The following ARSG variants were observed in gnomAD, a reference collection of about 807,000 sequenced individuals.
The protein encoded by ARSG is arylsulfatase G.
Under a neutral mutation model 50.5 loss-of-function variants are expected in ARSG, and 37 were observed. The observed-to-expected ratio is 0.73, with a 90% confidence interval of 0.56 to 0.96. The LOEUF is 0.96. ARSG is among the 50% of genes least tolerant of loss of function. The pLI, the probability that ARSG is intolerant of heterozygous loss-of-function variation, is 0.00. For synonymous variants in ARSG, 225 were observed against 254.6 expected (o/e 0.88, Z 1.11); for missense variants, 629 against 675.3 (o/e 0.93, Z 0.76).
intron 8 of ARSG, among the ~76,000 whole-genome samples, chr17:68,383,232 C>A (rs1046093169): frequency 7.2e-5 from 11 of 152,206 alleles, no homozygotes; most frequent in South Asian, 4.2e-4. Flanking sequence ...TGGTGAAGAC[C>A]AATTAGCAAA....
At chr17:68,363,966 G>A (rs1324024295) in intron 6 of ARSG, among the ~76,000 whole-genome samples, 4 of 152,106 alleles carry the variant, frequency 2.6e-5, no homozygotes, top group Non-Finnish European at 5.9e-5. Flanking sequence ...TGGGCTGAGA[G>A]CTGCAGGTGT....
intron 5 of ARSG, among the ~76,000 whole-genome samples, chr17:68,353,816 C>T (rs2078908536): frequency 6.6e-6 from 1 of 152,160 alleles, no homozygotes; most frequent in African/African-American, 2.4e-5. Context: ...ATTTTCCTGC[C>T]TCAGTCACCT....
intron 4 of ARSG, among the ~76,000 whole-genome samples, chr17:68,349,548 T>C (rs2078661694): frequency 6.6e-6 from 1 of 152,152 alleles, no homozygotes. Flanking sequence ...CTAAATCCAT[T>C]TGTGCAAACC....
At chr17:68,435,303 C>T in the ARSG span, among the ~76,000 whole-genome samples, 1 of 152,104 alleles carries the variant, frequency 6.6e-6, no homozygotes, top group South Asian at 2.1e-4. Context: ...ATTTGGTTTG[C>T]ACTGTACTGT....
In ARSG at chr17:68,379,332, CG is replaced by C. The variant is rs561875379; in HGVS notation, c.983-5728del. Among the ~76,000 whole-genome samples, 465 of 151,378 alleles carry C rather than the reference CG, an allele frequency of 3.1e-3. 3 individuals are homozygous for C. The highest frequency in any genetic ancestry group is 0.01 in the Middle Eastern group (3 of 290). On this transcript the variant is annotated intron_variant, in intron 8 of 11. Coordinates refer to ENST00000621439, the MANE Select transcript of ARSG (RefSeq NM_001267727.2). ...CATGGCTCACTGCAGCCTTGACCTC[CG>C]GGGCTCAAGCAATCCTCCTGCTTCA...
intron 1 of ARSG, among the ~76,000 whole-genome samples, chr17:68,298,594 CAAAAAAAAAA>C (rs562725952): frequency 2.9e-4 from 19 of 64,838 alleles, no homozygotes; most frequent in African/African-American, 1.1e-3. Context: ...GATCCTGTCT[CAAAAAAAAAA>C]AAAAAAAAAA....
chr17:68,354,172 G>A (rs2078930537), intron 5 of ARSG, among the ~76,000 whole-genome samples: 2 of 151,734 alleles, frequency 1.3e-5, no homozygotes, highest in Non-Finnish European at 2.9e-5. Flanking sequence ...TGTAATCCCA[G>A]CACTTTGGGA....
At chr17:68,366,791 G>A (rs558532738) in intron 6 of ARSG, among the ~76,000 whole-genome samples, 3 of 151,528 alleles carry the variant, frequency 2.0e-5, no homozygotes, top group South Asian at 2.1e-4. Flanking sequence ...AAGTTCTGTC[G>A]CATTAAACAT....
chr17:68,317,814 A>G (rs1276298866), intron 2 of ARSG, among the ~76,000 whole-genome samples: 1 of 152,166 alleles, frequency 6.6e-6, no homozygotes, highest in Non-Finnish European at 1.5e-5. Context: ...ATGTTAAGCA[A>G]TTGGCCAGGC....
intron 1 of ARSG, among the ~76,000 whole-genome samples, chr17:68,262,614 G>A (rs1349888339): frequency 6.6e-6 from 1 of 152,198 alleles, no homozygotes; most frequent in African/African-American, 2.4e-5. Flanking sequence ...TGTGGCTGCT[G>A]TATGGAAAAT....
At chr17:68,450,971 G>A in the ARSG span, 5 of 1,531,448 alleles carry the variant, frequency 3.3e-6, no homozygotes, top group Non-Finnish European at 4.4e-6. Flanking sequence ...CATGACACTG[G>A]GCCCGGCGCA....
At chr17:68,447,984 CAA>C in the ARSG span, among the ~76,000 whole-genome samples, 1,504 of 80,270 alleles carry the variant, frequency 0.019, 18 homozygotes, top group African/African-American at 0.047. Flanking sequence ...GACTCTATCT[CAA>C]AAAAAAAAAA....
At chr17:68,289,443 G>A (rs1178491936), upstream of ARSG, among the ~76,000 whole-genome samples, 1 of 152,184 alleles carries the variant, frequency 6.6e-6, no homozygotes, top group African/African-American at 2.4e-5. Context: ...TTATTCCAGG[G>A]TCAGCTAAGA....
intron 9 of ARSG, among the ~76,000 whole-genome samples, chr17:68,386,104 T>C (rs911603583): frequency 2.0e-5 from 3 of 152,122 alleles, no homozygotes; most frequent in Admixed American, 6.5e-5. Context: ...CAGGAGGCCA[T>C]CTCCATGGCA....
At chr17:68,305,012 A>C (rs1453988357) in intron 1 of ARSG, among the ~76,000 whole-genome samples, 1 of 152,142 alleles carries the variant, frequency 6.6e-6, no homozygotes, top group Non-Finnish European at 1.5e-5. Context: ...AGTCTGTACA[A>C]AAAGTAAAAA....
chr17:68,350,727 T>C (rs1018406401), intron 4 of ARSG, among the ~76,000 whole-genome samples: 3 of 152,064 alleles, frequency 2.0e-5, no homozygotes, highest in East Asian at 1.9e-4. Flanking sequence ...GGAGCTTGCA[T>C]TGAGCCGAGA....
chr17:68,443,350 T>C, the ARSG span, among the ~76,000 whole-genome samples: 1 of 152,172 alleles, frequency 6.6e-6, no homozygotes, highest in Non-Finnish European at 1.5e-5. Flanking sequence ...TAACCTCAGG[T>C]GATCCACCCG....
chr17:68,325,070 T>C (rs62087155), intron 2 of ARSG, among the ~76,000 whole-genome samples: 6,250 of 152,256 alleles, frequency 0.041, 171 homozygotes, highest in Middle Eastern at 0.092. Context: ...CAGGCCACTG[T>C]ACCAGTCCAT....
At chr17:68,365,400 TC>T (rs2079499113) in intron 6 of ARSG, among the ~76,000 whole-genome samples, 1 of 152,160 alleles carries the variant, frequency 6.6e-6, no homozygotes, top group Non-Finnish European at 1.5e-5. Context: ...GGTCTGATTG[TC>T]CCCATTTTAT....
Sources: gnomAD v4.1 joint callset for allele counts (sites outside exome capture counted in the v4.1 genomes callset) on GRCh38, gnomAD v4.1.1 for gene constraint, MANE v1.5 for transcripts, NCBI Gene and HGNC (gene_info 2026-07-23, HGNC 2026-07-21) for gene names.